The following KIF26B variants were observed in gnomAD, a reference collection of about 807,000 sequenced individuals.
KIF26B encodes kinesin-like protein KIF26B.
In KIF26B, 63 loss-of-function variants were observed where a neutral mutation model predicts 151.2. The observed-to-expected ratio is 0.42, with a 90% CI of 0.34 to 0.51. The LOEUF (loss-of-function observed/expected upper bound fraction) is 0.51, where lower values mean the gene tolerates loss of function less well. Ranked by LOEUF, KIF26B falls within the 20% of genes least tolerant of loss-of-function variation. KIF26B has a pLI of 0.07. For synonymous variants in KIF26B, 1,357 were observed against 1,262.1 expected (o/e 1.08, Z -1.59); for missense variants, 2,813 against 2,913.6 (o/e 0.97, Z 0.79).
At chr1:245,622,748 G>A (rs1433708882) in intron 9 of KIF26B, among the ~76,000 whole-genome samples, 2 of 152,210 alleles carry the variant, frequency 1.3e-5, no homozygotes, top group African/African-American at 4.8e-5. Context: ...GAGGCTGTAA[G>A]CTGGGCCGCC....
In KIF26B at chr1:245,331,236, T is replaced by G. The variant is rs1672105643; in HGVS notation, c.466-35598T>G. Among the ~76,000 whole-genome samples the G allele has an allele frequency of 2.0e-5, 3 of 152,078 alleles. No individual in the cohort carries two copies. In the South Asian group the frequency reaches 6.2e-4, roughly 32 times the overall value. The stretch of plus-strand genomic sequence containing the variant: ...CGCTCTTGCCGGAGGAGGGTGCACG[T>G]GCGGACCAGAGGCTTCCCAGCGCCA... On this transcript the variant is annotated intron_variant, in intron 2 of 14. Coordinates refer to ENST00000407071, the MANE Select transcript of KIF26B (RefSeq NM_018012.4).
intron 10 of KIF26B, among the ~76,000 whole-genome samples, chr1:245,652,145 T>TGTGTGTGTGTGTGTGTGGGA (rs368258830): frequency 1.4e-5 from 2 of 142,658 alleles, no homozygotes; most frequent in African/African-American, 5.5e-5. Flanking sequence ...TGTGTGTGTG[T>TGTGTGTGTGTGTGTGTGGGA]GAGAGAGACA....
Position 245,302,988 on chromosome 1 carries a change from CAAAAAAAAAAAAA to C in KIF26B, c.466-63833_466-63821del, listed in dbSNP as rs74163037. Among the ~76,000 whole-genome samples, 8 of 35,816 alleles carry C rather than the reference CAAAAAAAAAAAAA, an allele frequency of 2.2e-4. No individual in the cohort carries two copies. The Admixed American group carries it at 2.5e-3, about 11-fold the overall frequency. The allele number at this position is 35,816 out of a possible 152,430, so 23.5% of individuals were successfully genotyped here. ...TGGGCAATAGAGCAAGACTCTGTCT[CAAAAAAAAAAAAA>C]AAAAAAAAAAAAGAAAGAAATGGCA... On this transcript the variant is annotated intron_variant, in intron 2 of 14. Transcript: ENST00000407071.
At chr1:245,405,124 C>T (rs1464230144) in intron 3 of KIF26B, among the ~76,000 whole-genome samples, 2 of 152,148 alleles carry the variant, frequency 1.3e-5, no homozygotes, top group African/African-American at 2.4e-5. Context: ...GGTCTGGTGA[C>T]GAGATTAGGA....
chr1:245,238,160 C>G (rs1670148747), intron 2 of KIF26B, among the ~76,000 whole-genome samples: 1 of 152,060 alleles, frequency 6.6e-6, no homozygotes, highest in South Asian at 2.1e-4. Flanking sequence ...TGGTGAGACC[C>G]CATCTCTACT....
chr1:245,293,520 A>G (rs1415464057), intron 2 of KIF26B, among the ~76,000 whole-genome samples: 1 of 151,714 alleles, frequency 6.6e-6, no homozygotes, highest in African/African-American at 2.4e-5. Flanking sequence ...GGCTCCTGGT[A>G]GTGAAGAGAT....
At chr1:245,242,312 A>G (rs1670223137) in intron 2 of KIF26B, among the ~76,000 whole-genome samples, 1 of 152,188 alleles carries the variant, frequency 6.6e-6, no homozygotes, top group Admixed American at 6.5e-5. Context: ...TGTACTTCAA[A>G]TCTCGTTTTA....
At chr1:245,589,479 C>T (rs1168911572) in intron 5 of KIF26B, among the ~76,000 whole-genome samples, 4 of 152,176 alleles carry the variant, frequency 2.6e-5, no homozygotes, top group African/African-American at 4.8e-5. Context: ...CTCCTCCGTA[C>T]GTGCCACTGC....
intron 2 of KIF26B, among the ~76,000 whole-genome samples, chr1:245,364,659 A>G (rs1672901342): frequency 6.6e-6 from 1 of 151,840 alleles, no homozygotes; most frequent in Non-Finnish European, 1.5e-5. Flanking sequence ...TGACCTTGTG[A>G]TCCGCCTGCC....
chr1:245,349,041 G>T (rs572622173), intron 2 of KIF26B, among the ~76,000 whole-genome samples: 14 of 152,288 alleles, frequency 9.2e-5, no homozygotes, highest in African/African-American at 3.4e-4. Flanking sequence ...ACCTGTGTGT[G>T]CTTGTTTACT....
intron 4 of KIF26B, among the ~76,000 whole-genome samples, chr1:245,470,318 G>A (rs776551048): frequency 2.0e-5 from 3 of 152,138 alleles, no homozygotes; most frequent in Admixed American, 6.5e-5. Context: ...AATCTGGATC[G>A]GGTGGACATG....
At chr1:245,521,822 A>G (rs1166079578) in intron 4 of KIF26B, among the ~76,000 whole-genome samples, 2 of 152,186 alleles carry the variant, frequency 1.3e-5, no homozygotes, top group African/African-American at 4.8e-5. Context: ...ATTACAGCCC[A>G]TTGTAAGAAG....
In KIF26B at chr1:245,358,837, G is replaced by A. The variant is rs1275571977; in HGVS notation, c.466-7997G>A. On this transcript the variant is annotated intron_variant, in intron 2 of 14. Transcript: ENST00000407071. The surrounding 1 kb of genome is among the most constrained non-coding windows in gnomAD (Gnocchi z 4.1). ...CGTATAGTTCAGCACTTTATTTTGT[G>A]TCATGTTGAACATGAACTTTAAAGT... is the stretch of plus-strand genomic sequence containing the variant. Among the ~76,000 whole-genome samples the A allele has an allele frequency of 9.2e-5, 14 of 152,144 alleles. No homozygotes were observed. Among genetic ancestry groups the A allele is most frequent in the African/African-American group, 3.4e-4 (14 of 41,432 alleles).
chr1:245,157,421 G>A (rs1178750659), intron 2 of KIF26B, among the ~76,000 whole-genome samples: 2 of 152,246 alleles, frequency 1.3e-5, no homozygotes, highest in African/African-American at 4.8e-5. Context: ...TCAGTGGTTA[G>A]AGAGCAATAT....
At chr1:245,231,956 ACTC>A (rs913283321) in intron 2 of KIF26B, among the ~76,000 whole-genome samples, 1 of 152,166 alleles carries the variant, frequency 6.6e-6, no homozygotes, top group African/African-American at 2.4e-5. Context: ...TGTCCTAACA[ACTC>A]CTTCCTAAAG....
intron 5 of KIF26B, among the ~76,000 whole-genome samples, chr1:245,559,010 C>T (rs757181999): frequency 6.6e-6 from 1 of 152,198 alleles, no homozygotes; most frequent in Non-Finnish European, 1.5e-5. Flanking sequence ...TGAACACCAT[C>T]GTGTGTTTTC....
chr1:245,219,351 C>T (rs1386221875), intron 2 of KIF26B, among the ~76,000 whole-genome samples: 4 of 151,770 alleles, frequency 2.6e-5, no homozygotes, highest in Non-Finnish European at 4.4e-5. Flanking sequence ...CATCTTCTGA[C>T]CTTGTGATCT....
chr1:245,315,446 G>A (rs955737893), intron 2 of KIF26B, among the ~76,000 whole-genome samples: 1 of 151,972 alleles, frequency 6.6e-6, no homozygotes, highest in African/African-American at 2.4e-5. Flanking sequence ...AAAAGGCCGG[G>A]TGCAGTGGCT....
intron 10 of KIF26B, among the ~76,000 whole-genome samples, chr1:245,675,181 C>T (rs535624411): frequency 1.3e-5 from 2 of 152,356 alleles, no homozygotes; most frequent in African/African-American, 4.8e-5. Context: ...ACCTTCCCGG[C>T]ATCCGTGTGT....
Sources: gnomAD v4.1 joint callset for allele counts (sites outside exome capture counted in the v4.1 genomes callset) on GRCh38, gnomAD v4.1.1 for gene constraint, Gnocchi (gnomAD v3.1) non-coding constraint, MANE v1.5 for transcripts, NCBI Gene and HGNC (gene_info 2026-07-23, HGNC 2026-07-21) for gene names.